The following ANKFN1 variants were observed in gnomAD, a reference collection of about 807,000 sequenced individuals.
ANKFN1 encodes ankyrin repeat and fibronectin type III domain containing 1, also known as ankyrin repeat and fibronectin type-III domain-containing protein 1.
In ANKFN1, 74 loss-of-function variants were observed where a neutral mutation model predicts 108.7. The observed-to-expected ratio is 0.68, with a 90% CI of 0.56 to 0.83. The LOEUF is 0.83. ANKFN1 is among the 40% of genes least tolerant of loss of function. The probability of loss-of-function intolerance (pLI) is 0.00; values close to 1 mark genes in which losing one functional copy is unlikely to be tolerated. For synonymous variants in ANKFN1, 547 were observed against 516.2 expected (o/e 1.06, Z -0.81); for missense variants, 1,505 against 1,382.3 (o/e 1.09, Z -1.41).
upstream of ANKFN1, among the ~76,000 whole-genome samples, chr17:56,152,585 G>A (rs1234570750): frequency 2.6e-5 from 4 of 152,050 alleles, no homozygotes; most frequent in Non-Finnish European, 5.9e-5. Context: ...CACATCTGCT[G>A]AGCCTCAACT....
At chr17:56,253,683 G>C (rs2043288608) in intron 3 of ANKFN1, among the ~76,000 whole-genome samples, 1 of 152,052 alleles carries the variant, frequency 6.6e-6, no homozygotes, top group Non-Finnish European at 1.5e-5. Context: ...AGATTGCAGT[G>C]AGCCGAGATC....
At chr17:56,408,607 G>A (rs1004856784) in intron 8 of ANKFN1, among the ~76,000 whole-genome samples, 2 of 152,168 alleles carry the variant, frequency 1.3e-5, no homozygotes, top group Non-Finnish European at 2.9e-5. Flanking sequence ...GAGATGGTCA[G>A]AGATACTAAG....
At chr17:56,226,991 G>A (rs955424986) in intron 2 of ANKFN1, among the ~76,000 whole-genome samples, 6 of 151,944 alleles carry the variant, frequency 3.9e-5, no homozygotes, top group Non-Finnish European at 8.8e-5. Context: ...GAAAAACATC[G>A]GTCACTGAAG....
chr17:56,335,248 C>T (rs1236987616), intron 4 of ANKFN1, among the ~76,000 whole-genome samples: 1 of 152,044 alleles, frequency 6.6e-6, no homozygotes, highest in East Asian at 1.9e-4. Flanking sequence ...TTTTCCAATT[C>T]TGTGAAGAAA....
At chr17:56,189,971 TG>T (rs1912724534) in intron 1 of ANKFN1, among the ~76,000 whole-genome samples, 1 of 148,710 alleles carries the variant, frequency 6.7e-6, no homozygotes, top group African/African-American at 2.5e-5. Flanking sequence ...CAACAAATGA[TG>T]CTGGGACAAC....
intron 1 of ANKFN1, among the ~76,000 whole-genome samples, chr17:56,159,187 T>C (rs2143489954): frequency 6.6e-6 from 1 of 152,324 alleles, no homozygotes; most frequent in East Asian, 1.9e-4. Flanking sequence ...ATGAAAGTCA[T>C]CATTCTGCAT....
intron 4 of ANKFN1, among the ~76,000 whole-genome samples, chr17:56,143,865 G>A (rs775672421): frequency 2.0e-5 from 3 of 152,132 alleles, no homozygotes; most frequent in Non-Finnish European, 4.4e-5. Context: ...AGAGAGGCAT[G>A]GAATGGATTC....
intron 8 of ANKFN1, among the ~76,000 whole-genome samples, chr17:56,422,443 A>G (rs2048436502): frequency 6.6e-6 from 1 of 151,752 alleles, no homozygotes; most frequent in South Asian, 2.1e-4. Flanking sequence ...CACCACACAC[A>G]TGCATGCACA....
chr17:56,222,361 A>G (rs1915949272), intron 2 of ANKFN1, among the ~76,000 whole-genome samples: 1 of 152,200 alleles, frequency 6.6e-6, no homozygotes, highest in East Asian at 1.9e-4. Flanking sequence ...ATGTGTGCTG[A>G]GGACTTATTT....
At chr17:56,434,012 G>C (rs889478093) in intron 8 of ANKFN1, among the ~76,000 whole-genome samples, 3 of 152,068 alleles carry the variant, frequency 2.0e-5, no homozygotes, top group African/African-American at 7.2e-5. Context: ...CTCCGTCCTG[G>C]GCGACAGAGC....
At chr17:56,467,817 A>G (rs1462071155) in intron 15 of ANKFN1, among the ~76,000 whole-genome samples, 1 of 47,310 alleles carries the variant, frequency 2.1e-5, no homozygotes, top group Non-Finnish European at 3.7e-5. Flanking sequence ...AAAGAAAGAA[A>G]GAAAGAAAGA....
chr17:56,365,611 G>T (rs140853748), intron 6 of ANKFN1, among the ~76,000 whole-genome samples: 277 of 152,278 alleles, frequency 1.8e-3, no homozygotes, highest in African/African-American at 6.0e-3. Context: ...CAGTTTGGAA[G>T]TACAATCACA....
chr17:56,320,406 A>G (rs2045329131), intron 3 of ANKFN1, among the ~76,000 whole-genome samples: 1 of 152,206 alleles, frequency 6.6e-6, no homozygotes, highest in African/African-American at 2.4e-5. Flanking sequence ...CTTCATTACC[A>G]AATGTCTCCT....
At chr17:56,405,624 C>T (rs765243382) in intron 8 of ANKFN1, among the ~76,000 whole-genome samples, 30 of 152,032 alleles carry the variant, frequency 2.0e-4, no homozygotes, top group Non-Finnish European at 3.8e-4. Flanking sequence ...ATTGCATCAA[C>T]GTTGTTTAAA....
At chr17:56,338,725 A>T (rs2045882763) in intron 4 of ANKFN1, among the ~76,000 whole-genome samples, 1 of 152,042 alleles carries the variant, frequency 6.6e-6, no homozygotes, top group Admixed American at 6.6e-5. Flanking sequence ...TATAGAGATT[A>T]CATGATGTAT....
intron 8 of ANKFN1, among the ~76,000 whole-genome samples, chr17:56,439,660 G>C (rs2049036066): frequency 6.6e-6 from 1 of 152,108 alleles, no homozygotes; most frequent in South Asian, 2.1e-4. Context: ...CAGTATATAA[G>C]GCATTAGGGG....
chr17:56,287,854 G>T (rs1298994463), intron 3 of ANKFN1, among the ~76,000 whole-genome samples: 1 of 152,170 alleles, frequency 6.6e-6, no homozygotes, highest in Non-Finnish European at 1.5e-5. Context: ...TGCTGGGGTT[G>T]GGAGGTTTGC....
rs370848906 is a variant in ANKFN1, at chr17:56,350,787, G to A, written c.210G>A (p.Thr70=). ...TTAGGAATTGTCGTGTGAAAATGAC[G>A]CAACAAATGCAAAATTTACATCTCT... ...SINWNCRVKM[T]QQMQNLHLCQ... The change falls in exon 5 of 21, where the codon ACG becomes ACA. Residue 70 remains threonine (T), a synonymous_variant. Coordinates refer to ENST00000682825, the MANE Select transcript of ANKFN1 (RefSeq NM_001370326.1). 17 of 1,613,382 alleles carry A rather than the reference G, an allele frequency of 1.1e-5. No individual in the cohort carries two copies. The highest frequency in any genetic ancestry group is 6.7e-5 in the African/African-American group (5 of 74,824).
intron 8 of ANKFN1, among the ~76,000 whole-genome samples, chr17:56,416,213 G>A (rs2048237532): frequency 6.6e-6 from 1 of 151,956 alleles, no homozygotes; most frequent in African/African-American, 2.4e-5. Context: ...TTCTCAAATG[G>A]GATTACATCA....
Sources: allele counts gnomAD v4.1 joint callset (sites outside exome capture counted in the v4.1 genomes callset), GRCh38; gene constraint gnomAD v4.1.1; transcripts MANE v1.5; gene names NCBI Gene and HGNC (gene_info 2026-07-23, HGNC 2026-07-21).